ATP10B: variants seen among roughly 807,000 people sequenced by gnomAD.
ATP10B encodes phospholipid-transporting ATPase VB.
In ATP10B, 122 loss-of-function variants were observed where a neutral mutation model predicts 141.2. That is an observed-to-expected ratio of 0.86 (90% CI 0.75 to 1.00). The LOEUF (loss-of-function observed/expected upper bound fraction) is 1.00. Among genes scored for constraint, ATP10B ranks in the 50% least tolerant of loss-of-function variants. ATP10B has a pLI of 0.00. For missense variants in ATP10B, 1,876 were observed against 1,825.3 expected (o/e 1.03, Z -0.51); for synonymous variants, 685 against 692.0 (o/e 0.99, Z 0.16).
At chr5:160,828,090 C>G (rs920368781) in intron 1 of ATP10B, among the ~76,000 whole-genome samples, 3 of 152,090 alleles carry the variant, frequency 2.0e-5, no homozygotes, top group Non-Finnish European at 4.4e-5. Flanking sequence ...CACGTTAGAC[C>G]TAAAACCATA....
intron 14 of ATP10B, among the ~76,000 whole-genome samples, chr5:160,621,652 T>A (rs117173419): frequency 3.3e-5 from 5 of 152,194 alleles, no homozygotes; most frequent in African/African-American, 1.2e-4. Flanking sequence ...GAGGTTGTGG[T>A]TTAGTGCCTG....
chr5:160,808,124 A>G (rs1218525340), intron 1 of ATP10B, among the ~76,000 whole-genome samples: 2 of 152,214 alleles, frequency 1.3e-5, no homozygotes, highest in Non-Finnish European at 2.9e-5. Context: ...CCATTAAAAA[A>G]TCTGTAAAAG....
chr5:160,656,966 G>T (rs1761551269), intron 7 of ATP10B, among the ~76,000 whole-genome samples: 1 of 152,138 alleles, frequency 6.6e-6, no homozygotes, highest in South Asian at 2.1e-4. Flanking sequence ...CTTGGTGTCT[G>T]TTTCTACATG....
At chr5:160,585,754 G>T (rs1755843608) in intron 24 of ATP10B, among the ~76,000 whole-genome samples, 1 of 152,168 alleles carries the variant, frequency 6.6e-6, no homozygotes, top group African/African-American at 2.4e-5. Context: ...AGTCCCCATT[G>T]CCATGATCTG....
chr5:160,785,070 G>A (rs1268505845), intron 2 of ATP10B, among the ~76,000 whole-genome samples: 1 of 152,104 alleles, frequency 6.6e-6, no homozygotes, highest in Non-Finnish European at 1.5e-5. Flanking sequence ...GCCAATAAAT[G>A]TGAGAGGAAG....
intron 24 of ATP10B, among the ~76,000 whole-genome samples, chr5:160,579,011 T>G (rs1432976575): frequency 1.3e-5 from 2 of 152,190 alleles, no homozygotes; most frequent in African/African-American, 4.8e-5. Flanking sequence ...ATGTCCTTTG[T>G]GTACTTTTTG....
At chr5:160,675,286 T>A (rs1762953854) in intron 6 of ATP10B, among the ~76,000 whole-genome samples, 1 of 100,490 alleles carries the variant, frequency 1.0e-5, no homozygotes, top group African/African-American at 2.9e-5. Context: ...TTCACTGCTG[T>A]TTAAAAATAA....
At position 160,834,413 on chromosome 5, in the gene ATP10B, G is replaced by A. The variant is rs1281455588; in HGVS notation, c.-576+17528C>T. Among the ~76,000 whole-genome samples the A allele has an allele frequency of 3.3e-5, 5 of 152,178 alleles. 1 individual carries two copies. Among genetic ancestry groups the A allele is most frequent in the African/African-American group, 1.2e-4 (5 of 41,528 alleles). On this transcript the variant is annotated intron_variant, in intron 1 of 25. Coordinates refer to ENST00000327245, the MANE Select transcript of ATP10B (RefSeq NM_025153.3). ...AACATCTGATTCTTATGCTCCTAGG[G>A]TAATGAGCATGCTGTCTAGGGTGAT...
At position 160,721,170 on chromosome 5, in the gene ATP10B, C is replaced by T. The variant is rs77450496; in HGVS notation, c.-330-4136G>A. 1.3e-3 allele frequency among the ~76,000 whole-genome samples: 201 copies of T among 152,288 alleles called. 1 individual carries two copies. In the East Asian group the frequency reaches 0.016, roughly 12 times the overall value. The stretch of plus-strand genomic sequence containing the variant: ...ATCACAGAACAGGATGTCAGAACAC[C>T]TCGGGGTTCATGGACCATGGTGCTC... On this transcript the variant is annotated intron_variant, in intron 2 of 25. Transcript: ENST00000327245.
At chr5:160,867,013 C>G in the ATP10B span, among the ~76,000 whole-genome samples, 2 of 152,050 alleles carry the variant, frequency 1.3e-5, no homozygotes, top group Non-Finnish European at 1.5e-5. Flanking sequence ...GAACTTAGGT[C>G]AGTCAGATCT....
chr5:160,648,941 T>TC (rs1760496896), intron 8 of ATP10B, among the ~76,000 whole-genome samples: 1 of 150,804 alleles, frequency 6.6e-6, no homozygotes, highest in Non-Finnish European at 1.5e-5. Context: ...TTTTTTTTTT[T>TC]TTAACAACAT....
At chr5:160,896,010 C>A in the ATP10B span, among the ~76,000 whole-genome samples, 4 of 152,122 alleles carry the variant, frequency 2.6e-5, no homozygotes, top group Non-Finnish European at 5.9e-5. Flanking sequence ...AGAACAAAGA[C>A]ACTACATACT....
chr5:160,675,734 G>A (rs1416563345), intron 6 of ATP10B, among the ~76,000 whole-genome samples: 1 of 152,106 alleles, frequency 6.6e-6, no homozygotes, highest in East Asian at 1.9e-4. Flanking sequence ...TAGGGATTGA[G>A]AGAGGCTTTG....
At chr5:160,854,757 G>A (rs1753956266), upstream of ATP10B, among the ~76,000 whole-genome samples, 1 of 152,098 alleles carries the variant, frequency 6.6e-6, no homozygotes, top group Non-Finnish European at 1.5e-5. Flanking sequence ...TTCTACAATG[G>A]TTGAACTAAT....
At chr5:160,867,623 A>T in the ATP10B span, among the ~76,000 whole-genome samples, 1 of 152,252 alleles carries the variant, frequency 6.6e-6, no homozygotes, top group East Asian at 1.9e-4. Context: ...TTTGACTTAG[A>T]TTGGGAGGAT....
intron 2 of ATP10B, among the ~76,000 whole-genome samples, chr5:160,775,515 C>T (rs2127866897): frequency 6.6e-6 from 1 of 152,192 alleles, no homozygotes; most frequent in Admixed American, 6.5e-5. Context: ...ACAGCACTGA[C>T]ATAACTTTTT....
At chr5:160,880,618 A>G in the ATP10B span, among the ~76,000 whole-genome samples, 1 of 152,198 alleles carries the variant, frequency 6.6e-6, no homozygotes, top group African/African-American at 2.4e-5. Context: ...GAGACCAGAA[A>G]TAGAACCACA....
chr5:160,664,897 C>T (rs1031625141), intron 7 of ATP10B, among the ~76,000 whole-genome samples: 2 of 152,188 alleles, frequency 1.3e-5, no homozygotes, highest in Non-Finnish European at 2.9e-5. Context: ...CTATATACTC[C>T]TTTCCAGGTG....
In ATP10B at chr5:160,687,823, C is replaced by A; in HGVS notation, c.252G>T (p.Arg84=). ...ACCTATGAAATTGCTCAAAGAGATT[C>A]CGGGGCAGGAAGGTGAAGAGGGTGT... The part of the protein sequence containing the change: ...TKYTLFTFLP[R]NLFEQFHRWA... The change falls in exon 5 of 26, where the codon CGG becomes CGT. Residue 84 remains arginine, a synonymous_variant. Transcript: ENST00000327245. The A allele has an allele frequency of 6.2e-7, 1 of 1,613,860 alleles. No homozygotes were observed. Among genetic ancestry groups the A allele is most frequent in the Non-Finnish European group, 8.5e-7 (1 of 1,179,890 alleles).
Sources: allele counts gnomAD v4.1 joint callset (sites outside exome capture counted in the v4.1 genomes callset), GRCh38; gene constraint gnomAD v4.1.1; transcripts MANE v1.5; gene names NCBI Gene and HGNC (gene_info 2026-07-23, HGNC 2026-07-21).